Variants in ITGBL1 observed in about 807,000 individuals in gnomAD.
ITGBL1 encodes integrin beta-like protein 1.
In ITGBL1, 51 loss-of-function variants were observed where a neutral mutation model predicts 68.5. The observed-to-expected ratio is 0.74, with a 90% CI of 0.59 to 0.94. The LOEUF is 0.94. ITGBL1 is among the 40% of genes least tolerant of loss of function. The pLI, the probability that ITGBL1 is intolerant of heterozygous loss-of-function variation, is 0.00. For synonymous variants in ITGBL1, 209 were observed against 227.3 expected, an observed-to-expected ratio of 0.92 and a Z score of 0.72; for missense variants, 649 against 647.4, an observed-to-expected ratio of 1.00 and a Z score of -0.03.
chr13:101,656,833 T>A lies in ITGBL1; in HGVS notation c.1016-35752T>A, dbSNP rs1481549944. ...TTTTGCATCCTTCTTATTTACTTATTTTTCTTTTTGTCAATAAAATACATC... is the reference window on the plus strand; with the variant it reads ...TTTTGCATCCTTCTTATTTACTTATATTTCTTTTTGTCAATAAAATACATC... On this transcript the variant is annotated intron_variant, in intron 7 of 10. Coordinates refer to ENST00000376180, the MANE Select transcript of ITGBL1 (RefSeq NM_004791.3). 2.6e-5 allele frequency among the ~76,000 whole-genome samples: 4 copies of A among 152,316 alleles called. No individual in the cohort carries two copies. The East Asian group carries it at 7.7e-4, about 29-fold the overall frequency.
chr13:101,591,951 C>T (rs2050663169), intron 6 of ITGBL1, among the ~76,000 whole-genome samples: 1 of 151,982 alleles, frequency 6.6e-6, no homozygotes, highest in South Asian at 2.1e-4. Flanking sequence ...ACCAGTAGCT[C>T]CTTTTTATGT....
chr13:101,561,826 A>G (rs1380714042), intron 2 of ITGBL1, among the ~76,000 whole-genome samples: 1 of 152,218 alleles, frequency 6.6e-6, no homozygotes, highest in Non-Finnish European at 1.5e-5. Context: ...ATAAATGTAA[A>G]GGAAGTTCTT....
At chr13:101,487,892 C>T (rs762388751) in intron 2 of ITGBL1, among the ~76,000 whole-genome samples, 1 of 152,090 alleles carries the variant, frequency 6.6e-6, no homozygotes, top group Non-Finnish European at 1.5e-5. Context: ...AATGATGCTC[C>T]GAAGACAGGA....
In ITGBL1 at chr13:101,453,919, C is replaced by T. The variant is rs779375787; in HGVS notation, c.135C>T (p.Ala45=). 8 of 1,333,710 alleles carry T rather than the reference C, an allele frequency of 6.0e-6. No homozygotes were observed. The highest frequency in any genetic ancestry group is 1.5e-5 in the African/African-American group (1 of 65,276). The allele number at this position is 1,333,710 out of a possible 1,614,324, so 82.6% of individuals were successfully genotyped here. A position where few individuals can be genotyped will look rare whatever the true frequency, so the allele number is the denominator to read the frequency against. The change falls in exon 2 of 11, where the codon GCC becomes GCT. Residue 45 remains alanine (A), a synonymous_variant. Transcript: ENST00000376180. ...GCGCCGCCTGCAGGCTGTCCCGGGC[C>T]GAGTCGGAGCGACGCTGCCGCGCAC... ...WPGAACRLSR[A]ESERRCRAPG...
intron 7 of ITGBL1, among the ~76,000 whole-genome samples, chr13:101,681,380 A>T (rs1231815957): frequency 6.6e-6 from 1 of 152,142 alleles, no homozygotes; most frequent in East Asian, 1.9e-4. Flanking sequence ...CCAGGCATCT[A>T]CCCTGTGGCT....
At chr13:101,524,568 ATTAT>A (rs895662421) in intron 2 of ITGBL1, among the ~76,000 whole-genome samples, 33 of 151,298 alleles carry the variant, frequency 2.2e-4, no homozygotes, top group African/African-American at 7.5e-4. Context: ...TGTTTGTGTA[ATTAT>A]TTAATTAACA....
intron 2 of ITGBL1, among the ~76,000 whole-genome samples, chr13:101,524,873 C>T (rs553247366): frequency 2.0e-5 from 3 of 152,204 alleles, no homozygotes; most frequent in Admixed American, 2.0e-4. Context: ...ACTGTAGTAT[C>T]AGGTATATGT....
At chr13:101,563,239 A>G (rs2050129313) in intron 2 of ITGBL1, among the ~76,000 whole-genome samples, 1 of 151,424 alleles carries the variant, frequency 6.6e-6, no homozygotes, top group Non-Finnish European at 1.5e-5. Flanking sequence ...ACCCTAGAAA[A>G]TAGAAAAAAA....
intron 7 of ITGBL1, 69 bp from the exon 8 acceptor site, chr13:101,692,516 C>T (rs577900036): frequency 6.0e-6 from 6 of 1,007,110 alleles, no homozygotes; most frequent in East Asian, 4.8e-5. Context: ...ATAGTGTGCT[C>T]ACCTCCTTGA....
chr13:101,487,895 A>G (rs2048722975), intron 2 of ITGBL1, among the ~76,000 whole-genome samples: 1 of 152,224 alleles, frequency 6.6e-6, no homozygotes, highest in South Asian at 2.1e-4. Flanking sequence ...GATGCTCCGA[A>G]GACAGGAATT....
At chr13:101,705,288 A>G (rs561319272) in intron 8 of ITGBL1, among the ~76,000 whole-genome samples, 2 of 118,160 alleles carry the variant, frequency 1.7e-5, no homozygotes, top group Admixed American at 1.8e-4. Flanking sequence ...TTTAATTTAA[A>G]AAGCAAAAAA....
intron 6 of ITGBL1, among the ~76,000 whole-genome samples, chr13:101,584,681 G>T (rs995544658): frequency 5.9e-5 from 9 of 152,122 alleles, no homozygotes; most frequent in East Asian, 3.9e-4. Context: ...TCTCTTGAGG[G>T]TATTTTTTTC....
intron 7 of ITGBL1, 53 bp downstream of exon 7, chr13:101,598,352 A>C: frequency 7.5e-7 from 1 of 1,331,558 alleles, no homozygotes. Flanking sequence ...AATTCAAATG[A>C]ATTCAATGCA....
chr13:101,695,803 T>G (rs1394711817), intron 8 of ITGBL1, among the ~76,000 whole-genome samples: 2 of 152,204 alleles, frequency 1.3e-5, no homozygotes, highest in African/African-American at 2.4e-5. Flanking sequence ...AGATGGTGCA[T>G]TGCAGTGTTA....
intron 2 of ITGBL1, among the ~76,000 whole-genome samples, chr13:101,539,453 G>A (rs570652829): frequency 6.6e-6 from 1 of 152,048 alleles, no homozygotes; most frequent in South Asian, 2.1e-4. Flanking sequence ...GTCTATAATT[G>A]TTGGACATTT....
intron 2 of ITGBL1, among the ~76,000 whole-genome samples, chr13:101,509,249 T>A (rs1390674008): frequency 6.6e-6 from 1 of 152,078 alleles, no homozygotes; most frequent in African/African-American, 2.4e-5. Flanking sequence ...ATGAGACTCA[T>A]TCACGATCAT....
At chr13:101,615,523 A>T (rs964368823) in intron 7 of ITGBL1, among the ~76,000 whole-genome samples, 2 of 152,094 alleles carry the variant, frequency 1.3e-5, no homozygotes, top group Non-Finnish European at 2.9e-5. Context: ...CTTCTTAAAA[A>T]TTACATGTTG....
chr13:101,708,715 A>C (rs998575540), intron 9 of ITGBL1, among the ~76,000 whole-genome samples: 1 of 152,198 alleles, frequency 6.6e-6, no homozygotes, highest in African/African-American at 2.4e-5. Flanking sequence ...AGGGGGATGA[A>C]AATGAATGCA....
intron 7 of ITGBL1, among the ~76,000 whole-genome samples, chr13:101,673,306 T>C (rs1213971049): frequency 6.6e-6 from 1 of 152,190 alleles, no homozygotes; most frequent in South Asian, 2.1e-4. Flanking sequence ...AATATTTACA[T>C]GCCCTGACAG....
Sources: gnomAD v4.1 joint callset for allele counts (sites outside exome capture counted in the v4.1 genomes callset) on GRCh38, gnomAD v4.1.1 for gene constraint, MANE v1.5 for transcripts, NCBI Gene and HGNC (gene_info 2026-07-23, HGNC 2026-07-21) for gene names.